The following SPOCD1 variants were observed in gnomAD, a reference collection of about 807,000 sequenced individuals.
SPOCD1 encodes SPOC domain containing 1.
Under a neutral mutation model 92.2 loss-of-function variants are expected in SPOCD1, and 64 were observed. The ratio of observed to expected loss-of-function variants is 0.69; its 90% CI spans 0.57 to 0.86. The LOEUF (loss-of-function observed/expected upper bound fraction) is 0.86, where lower values mean the gene tolerates loss of function less well. Ranked by LOEUF, SPOCD1 falls within the 40% of genes least tolerant of loss-of-function variation. SPOCD1 has a pLI of 0.00. For synonymous variants in SPOCD1, 578 were observed against 619.3 expected (o/e 0.93, Z 0.99); for missense variants, 1,360 against 1,543.1 (o/e 0.88, Z 1.99).
chr1:31,815,382 G>T lies in SPOCD1; in HGVS notation c.-39-10C>A. On this transcript the variant is annotated splice_polypyrimidine_tract_variant and intron_variant, in intron 1 of 15. Coordinates refer to ENST00000360482, the MANE Select transcript of SPOCD1 (RefSeq NM_144569.7). ...AAGCACAACACGGGCCCTGTGTGGA[G>T]ACAGAAAGAGGAGACTTTGTCTTGG... 6.7e-7 allele frequency: 1 copy of T among 1,495,416 alleles called. No homozygotes were observed. Among genetic ancestry groups the T allele is most frequent in the Non-Finnish European group, 8.9e-7 (1 of 1,120,314 alleles). 92.6% of individuals were successfully genotyped at this position (1,495,416 alleles called of 1,614,324 possible).
At position 31,800,595 on chromosome 1, in the gene SPOCD1, TG is replaced by T; in HGVS notation, c.1447del (p.Gln483SerfsTer22). 6.2e-7 allele frequency: 1 copy of T among 1,608,500 alleles called. No homozygotes were observed. Among genetic ancestry groups the T allele is most frequent in the Non-Finnish European group, 8.5e-7 (1 of 1,177,166 alleles). ...VCYLGSGPVI[Q>X]LLGAISHGQA... is the part of the protein sequence containing the mutation. ...GCCGTGGCTGATGGCCCCCAGGAGC[TG>T]GATCACTGGCCCGGAACCCAGCTGC... On this transcript the variant is annotated frameshift_variant, in exon 4 of 16. Transcript: ENST00000360482. LOFTEE classifies it high-confidence loss of function.
chr1:31,795,098 G>A (rs1197933326), intron 10 of SPOCD1: 1 of 152,212 alleles, frequency 6.6e-6, no homozygotes, highest in Non-Finnish European at 1.5e-5. Flanking sequence ...TATGTCCTTA[G>A]GACAAGATTT....
rs139021269 is a variant in SPOCD1, at chr1:31,815,673, T to C, written c.-40+288A>G. 48 of 207,410 alleles carry C rather than the reference T, an allele frequency of 2.3e-4. No individual in the cohort carries two copies. The East Asian group carries it at 5.0e-3, about 22-fold the overall frequency. 12.8% of individuals were successfully genotyped at this position (207,410 alleles called of 1,614,324 possible). A position where few individuals can be genotyped will look rare whatever the true frequency, so the allele number is the denominator to read the frequency against. On this transcript the variant is annotated intron_variant, in intron 1 of 15. Transcript: ENST00000360482. Reference sequence around the variant, plus strand: ...TAAGATACCATTTATTTATGACTTATGTGCTTATTTCATTTCATACTGGCA... The same window carrying C: ...TAAGATACCATTTATTTATGACTTACGTGCTTATTTCATTTCATACTGGCA...
chr1:31,814,256 C>A lies in SPOCD1; in HGVS notation c.1078G>T (p.Asp360Tyr). Residue 360 changes from aspartate to tyrosine, a missense_variant, in exon 2 of 16, where the codon GAC becomes TAC. Physicochemically the swap from Asp to Tyr is radical, Grantham distance 160. This residue lies in a region of SPOCD1 where 606 missense variants were observed against 601.5 expected (regional missense o/e 1.01). Coordinates refer to ENST00000360482, the MANE Select transcript of SPOCD1 (RefSeq NM_144569.7). The surrounding 1 kb of genome is among the most constrained non-coding windows in gnomAD (Gnocchi z 4.2). ...GSDEGQAPAQ[D>Y]QEELEAKAQP... is the part of the protein sequence containing the mutation. ...GCCTTGGCCTCCAGCTCCTCCTGGTCCTGTGCTGGAGCCTGGCCTTCATCG... is the reference window on the plus strand; with the variant it reads ...GCCTTGGCCTCCAGCTCCTCCTGGTACTGTGCTGGAGCCTGGCCTTCATCG... 6.3e-7 allele frequency: 1 copy of A among 1,584,596 alleles called. No homozygotes were observed. The highest frequency in any genetic ancestry group is 1.1e-5 in the South Asian group (1 of 88,628).
At chr1:31,793,569 C>A in intron 12 of SPOCD1, 141 bp from the exon 13 acceptor site, 1 of 1,481,038 alleles carries the variant, frequency 6.8e-7, no homozygotes, top group African/African-American at 1.4e-5. Flanking sequence ...GTGCAGGGGG[C>A]TGCCAGGAGG....
rs199804273 is a variant in SPOCD1 at position 31,791,143 on chromosome 1, G to A, written c.3111C>T (p.Val1037=). The A allele has an allele frequency of 6.6e-5, 106 of 1,613,122 alleles. No homozygotes were observed. Among genetic ancestry groups the A allele is most frequent in the Non-Finnish European group, 6.8e-6 (8 of 1,179,786 alleles). The change falls in exon 16 of 16, where the codon GTC becomes GTT. Residue 1037 remains valine (V), a synonymous_variant. Transcript: ENST00000360482. ...SPWLGKVQKM[V]SFNSKVEKRY... ...TCTTCTCCACCTTACTGTTGAAGGA[G>A]ACCATCTTTTGAACCTTCCCCAACC... is the stretch of plus-strand genomic sequence containing the variant.
At position 31,814,186 on chromosome 1, in the gene SPOCD1, G is replaced by C. The variant is rs751420736; in HGVS notation, c.1148C>G (p.Pro383Arg). Reference protein sequence around the residue: ...RGRLEQGLAAPADTCASSREP... With the variant: ...RGRLEQGLAARADTCASSREP... ...CCGGGAGCTGGCACAGGTGTCAGCG[G>C]GGGCAGCGAGTCCTTGCTCCAGCCT... Residue 383 changes from proline to arginine, a missense_variant, in exon 2 of 16, where the codon CCC (proline) becomes CGC (arginine). Pro to Arg is a moderately radical substitution (Grantham distance 103, BLOSUM62 -2). Coordinates refer to ENST00000360482, the MANE Select transcript of SPOCD1 (RefSeq NM_144569.7). The surrounding 1 kb of genome is among the most constrained non-coding windows in gnomAD (Gnocchi z 4.2). The C allele has an allele frequency of 7.6e-6, 12 of 1,571,214 alleles. No individual in the cohort carries two copies. The highest frequency in any genetic ancestry group is 9.5e-6 in the Non-Finnish European group (11 of 1,156,718).
chr1:31,797,225 C>T (rs899243365), intron 9 of SPOCD1, among the ~76,000 whole-genome samples: 2 of 152,184 alleles, frequency 1.3e-5, no homozygotes, highest in Non-Finnish European at 2.9e-5. Flanking sequence ...GTCTTACTGT[C>T]GATCAATGTC....
rs1221960418 is a variant in SPOCD1 at position 31,799,847 on chromosome 1, G to C, written c.1745C>G (p.Ala582Gly). The C allele has an allele frequency of 6.2e-6, 10 of 1,614,036 alleles. No homozygotes were observed. Among genetic ancestry groups the C allele is most frequent in the African/African-American group, 1.3e-5 (1 of 74,946 alleles). Residue 582 changes from alanine (A) to glycine (G), a missense_variant, in exon 6 of 16, where the codon GCT (alanine) becomes GGT (glycine). Transcript: ENST00000360482. ...PACSQSGPMEAEEDSLPEQPE... is the reference protein window; with the variant it reads ...PACSQSGPMEGEEDSLPEQPE... Reference sequence around the variant, plus strand: ...CTGCTCCGGAAGAGAATCCTCTTCAGCCTCCATTGGGCCACTCTGTAGGGG... The same window carrying C: ...CTGCTCCGGAAGAGAATCCTCTTCACCCTCCATTGGGCCACTCTGTAGGGG...
intron 15 of SPOCD1, 199 bp downstream of exon 15, chr1:31,792,016 G>A: frequency 1.6e-6 from 1 of 624,010 alleles, no homozygotes; most frequent in Non-Finnish European, 2.8e-6. Flanking sequence ...TCTAGGTAAA[G>A]CTTTTAGAAC....
At chr1:31,793,456 A>AGACAGAGCAG in intron 12 of SPOCD1, 28 bp from the exon 13 acceptor site, 1 of 1,571,244 alleles carries the variant, frequency 6.4e-7, no homozygotes, top group Non-Finnish European at 8.6e-7. Flanking sequence ...AGACAGGGCC[A>AGACAGAGCAG]GACAGAGCAG....
chr1:31,795,192 T>C (rs1647921959), intron 10 of SPOCD1: 1 of 152,234 alleles, frequency 6.6e-6, no homozygotes, highest in East Asian at 1.9e-4. Context: ...TTCCTCATAC[T>C]AGAAATAGCT....
chr1:31,792,767 C>T lies in SPOCD1; in HGVS notation c.2686G>A (p.Ala896Thr). 1 of 1,600,358 alleles carries T rather than the reference C, an allele frequency of 6.2e-7. No individual in the cohort carries two copies. The highest frequency in any genetic ancestry group is 8.5e-7 in the Non-Finnish European group (1 of 1,173,928). The change falls in exon 14 of 16, where the codon GCT becomes ACT. Residue 896 changes from alanine (A) to threonine (T), a missense_variant and splice_region_variant. By Grantham distance (58) the Ala-to-Thr change is moderately conservative. Transcript: ENST00000360482. ...VSGHSCRLVQALPTVIRSAGC... is the reference protein window; with the variant it reads ...VSGHSCRLVQTLPTVIRSAGC... ...GCCGAGCGGATCACGGTGGGCAGAG[C>T]CTAGGGGCAGGAAGGATGGCCAGTC...
chr1:31,803,101 G>A (rs1363849315), intron 2 of SPOCD1, among the ~76,000 whole-genome samples: 1 of 151,790 alleles, frequency 6.6e-6, no homozygotes, highest in Admixed American at 6.6e-5. Context: ...GGGTCCTAAC[G>A]TCCATGTTAT....
chr1:31,797,660 C>T (rs1480170641), intron 9 of SPOCD1, among the ~76,000 whole-genome samples: 1 of 152,228 alleles, frequency 6.6e-6, no homozygotes, highest in African/African-American at 2.4e-5. Context: ...CCCTTCTTCT[C>T]TCACTGGGCC....
chr1:31,801,685 A>G lies in SPOCD1; in HGVS notation c.1404T>C (p.His468=), dbSNP rs747830418. The change falls in exon 3 of 16, where the codon CAT becomes CAC. Residue 468 remains histidine (H), a synonymous_variant. Transcript: ENST00000360482. ...CPRLEEVKIP[H]GVKLVCYLGS... ...CTACGTAGCACACAAGCTTCACTCCATGGGGTATTTTCACTTCCTCCTTGG... is the reference window on the plus strand; with the variant it reads ...CTACGTAGCACACAAGCTTCACTCCGTGGGGTATTTTCACTTCCTCCTTGG... 10 of 1,613,928 alleles carry G rather than the reference A, an allele frequency of 6.2e-6. No individual in the cohort carries two copies. The highest frequency in any genetic ancestry group is 2.2e-5 in the South Asian group (2 of 91,078).
rs571007336 is a variant in SPOCD1, at chr1:31,796,426, C to T, written c.2271+164G>A. 145 of 1,096,630 alleles carry T rather than the reference C, an allele frequency of 1.3e-4. No homozygotes were observed. The African/African-American group carries it at 2.1e-3, about 16-fold the overall frequency. 67.9% of individuals were successfully genotyped at this position (1,096,630 alleles called of 1,614,324 possible). A position where few individuals can be genotyped will look rare whatever the true frequency, so the allele number is the denominator to read the frequency against. Reference sequence around the variant, plus strand: ...CCTGTGCCAGCAGCACTGTCCCACCCCATGTTCCCCTATGCGTTAAGGATC... The same window carrying T: ...CCTGTGCCAGCAGCACTGTCCCACCTCATGTTCCCCTATGCGTTAAGGATC... On this transcript the variant is annotated intron_variant, in intron 10 of 15. Transcript: ENST00000360482.
chr1:31,814,457 C>G lies in SPOCD1; in HGVS notation c.877G>C (p.Asp293His), dbSNP rs767953364. The G allele has an allele frequency of 1.3e-5, 21 of 1,589,398 alleles. No individual in the cohort carries two copies. Among genetic ancestry groups the G allele is most frequent in the Non-Finnish European group, 1.8e-5 (21 of 1,166,856 alleles). ...EKFGYLPATGDGPQPGSPCGP... is the reference protein window; with the variant it reads ...EKFGYLPATGHGPQPGSPCGP... The stretch of plus-strand genomic sequence containing the variant: ...CAGGGGCTGCCTGGCTGGGGCCCAT[C>G]CCCTGTAGCGGGCAAATATCCAAAT... The change falls in exon 2 of 16, where the codon GAT (aspartate) becomes CAT (histidine). Residue 293 changes from aspartate to histidine, a missense_variant. Asp to His is a moderately conservative substitution (Grantham distance 81). Transcript: ENST00000360482. The surrounding 1 kb of genome is among the most constrained non-coding windows in gnomAD (Gnocchi z 4.2).
chr1:31,815,336 C>G lies in SPOCD1; in HGVS notation c.-3G>C, dbSNP rs1649494506. The G allele has an allele frequency of 6.5e-7, 1 of 1,531,900 alleles. No homozygotes were observed. Among genetic ancestry groups the G allele is most frequent in the Admixed American group, 2.1e-5 (1 of 48,692 alleles). The allele number at this position is 1,531,900 out of a possible 1,614,324, so 94.9% of individuals were successfully genotyped here. On this transcript the variant is annotated 5_prime_UTR_variant, in exon 2 of 16. Transcript: ENST00000360482. The stretch of plus-strand genomic sequence containing the variant: ...TCTACGTCCCCCGCCTGGGACATGT[C>G]TGTCCACCTACCTGGGCCAAAAGCA...
Sources: gnomAD v4.1 joint callset for allele counts (sites outside exome capture counted in the v4.1 genomes callset) on GRCh38, gnomAD v4.1.1 for gene constraint, gnomAD v4.1.1 regional missense constraint, Gnocchi (gnomAD v3.1) non-coding constraint, MANE v1.5 for transcripts, NCBI Gene and HGNC (gene_info 2026-07-23, HGNC 2026-07-21) for gene names.